Variants in CWF19L2 observed in about 807,000 individuals in gnomAD.
The protein encoded by CWF19L2 is CWF19-like protein 2.
In CWF19L2, 98 loss-of-function variants were observed where a neutral mutation model predicts 111.7. That is an observed-to-expected ratio of 0.88 (90% CI 0.75 to 1.04). CWF19L2 has a LOEUF of 1.04. Ranked by LOEUF, CWF19L2 falls within the 50% of genes least tolerant of loss-of-function variation. CWF19L2 has a pLI of 0.00. For synonymous variants in CWF19L2, 351 were observed against 342.9 expected (o/e 1.02, Z -0.26); for missense variants, 1,101 against 1,051.4 (o/e 1.05, Z -0.65).
intron 10 of CWF19L2, among the ~76,000 whole-genome samples, chr11:107,403,035 A>T (rs1273225413): frequency 1.3e-5 from 2 of 151,476 alleles, no homozygotes; most frequent in Admixed American, 1.3e-4. Context: ...TTTCACTGAT[A>T]TGTAGGAGCT....
chr11:107,454,742 C>T (rs1861829696), intron 2 of CWF19L2, among the ~76,000 whole-genome samples, 170 bp from the exon 3 acceptor site: 1 of 152,140 alleles, frequency 6.6e-6, no homozygotes, highest in Admixed American at 6.5e-5. Context: ...TCTTAACACA[C>T]CTTCTATAAT....
In CWF19L2 at chr11:107,349,033, G is replaced by C. The variant is rs770022378; in HGVS notation, c.2106C>G (p.Asn702Lys). ...AGTGCCCCTCAGTAAGAGACCGTAC[G>C]TTGGGTAAACATAAATAAACCTATA... is the stretch of plus-strand genomic sequence containing the variant. ...IGVKVYLCLP[N>K]VRSLTEGHCL... is the part of the protein sequence containing the mutation. The change falls in exon 14 of 18, where the codon AAC becomes AAG. Residue 702 changes from asparagine to lysine, a missense_variant. Coordinates refer to ENST00000282251, the MANE Select transcript of CWF19L2 (RefSeq NM_152434.3). 1 of 1,602,132 alleles carries C rather than the reference G, an allele frequency of 6.2e-7. No individual in the cohort carries two copies. The highest frequency in any genetic ancestry group is 2.2e-5 in the East Asian group (1 of 44,662).
intron 13 of CWF19L2, among the ~76,000 whole-genome samples, chr11:107,350,684 CAATGTA>C (rs1320713683): frequency 6.6e-6 from 1 of 151,844 alleles, no homozygotes; most frequent in Non-Finnish European, 1.5e-5. Flanking sequence ...TACAAATAAA[CAATGTA>C]AATGTAAAGT....
chr11:107,414,868 T>C (rs1179332602), intron 10 of CWF19L2, among the ~76,000 whole-genome samples: 3 of 152,166 alleles, frequency 2.0e-5, no homozygotes, highest in Non-Finnish European at 4.4e-5. Flanking sequence ...ACCATCTCCA[T>C]AGCTACTATC....
intron 12 of CWF19L2, among the ~76,000 whole-genome samples, chr11:107,357,807 A>C (rs686806): frequency 2.0e-5 from 3 of 152,100 alleles, no homozygotes; most frequent in African/African-American, 7.2e-5. Context: ...CCGTATTCTC[A>C]TTATTTGAGA....
At chr11:107,410,533 A>G (rs78071744) in intron 10 of CWF19L2, among the ~76,000 whole-genome samples, 1,957 of 152,310 alleles carry the variant, frequency 0.013, 35 homozygotes, top group African/African-American at 0.044. Flanking sequence ...AAAGGGCTAT[A>G]CAGTTCCCAA....
rs753602133 is a variant in CWF19L2, at chr11:107,334,878, T to A, written c.2439+3A>T. 6.4e-7 allele frequency: 1 copy of A among 1,562,544 alleles called. No homozygotes were observed. Among genetic ancestry groups the A allele is most frequent in the South Asian group, 1.1e-5 (1 of 89,118 alleles). ...TTCTTTTACCAGGAAAAAACATACT[T>A]ACAGACTTTCTGATATCTTTTGAAG... On this transcript the variant is annotated splice_donor_region_variant and intron_variant, in intron 16 of 17. Transcript: ENST00000282251.
Position 107,439,100 on chromosome 11 carries a change from C to T in CWF19L2, c.654G>A (p.Ser218=), listed in dbSNP as rs201136952. 8.3e-6 allele frequency: 11 copies of T among 1,321,250 alleles called. No individual in the cohort carries two copies. The Admixed American group carries it at 9.1e-5, about 11-fold the overall frequency. The allele number at this position is 1,321,250 out of a possible 1,614,324, so 81.8% of individuals were successfully genotyped here. ...GLPPEDCSVS[S]ITKVSVVEDG... ...AAAATGTAGAAATACCTTTAGTAAT[C>T]GATGACACACTACAGTCTTCAGGTG... Residue 218 remains serine, a synonymous_variant, in exon 6 of 18, where the codon TCG becomes TCA. Transcript: ENST00000282251.
rs1027311392 is a variant in CWF19L2 at position 107,371,380 on chromosome 11, C to T, written c.1873-17644G>A. On this transcript the variant is annotated intron_variant, in intron 12 of 17. Coordinates refer to ENST00000282251, the MANE Select transcript of CWF19L2 (RefSeq NM_152434.3). The stretch of plus-strand genomic sequence containing the variant: ...AAAAATCCTAATTCCTACCTGAATT[C>T]CTTGATAGAAAAGAGATAAGGATAG... Among the ~76,000 whole-genome samples the T allele has an allele frequency of 7.3e-5, 10 of 137,434 alleles. 2 individuals are homozygous for T. Among genetic ancestry groups the T allele is most frequent in the Non-Finnish European group, 1.6e-4 (10 of 64,208 alleles). 90.2% of individuals were successfully genotyped at this position (137,434 alleles called of 152,430 possible).
In CWF19L2 at chr11:107,433,734, T is replaced by A. The variant is rs145898345; in HGVS notation, c.680A>T (p.Asp227Val). Residue 227 changes from aspartate (D) to valine (V), a missense_variant, in exon 7 of 18, where the codon GAT becomes GTT. Transcript: ENST00000282251. ...SSITKVSVVE[D>V]GGLSWLRKSY... ...TTTCCTTAGCCAGCTTAATCCACCA[T>A]CTTCTACCACTGAAACTAAATTCCA... is the stretch of plus-strand genomic sequence containing the variant. The A allele has an allele frequency of 1.4e-5, 22 of 1,568,170 alleles. No homozygotes were observed. Among genetic ancestry groups the A allele is most frequent in the African/African-American group, 4.1e-5 (3 of 73,288 alleles).
intron 3 of CWF19L2, among the ~76,000 whole-genome samples, chr11:107,448,556 T>C (rs1195795601): frequency 6.6e-6 from 1 of 152,092 alleles, no homozygotes; most frequent in Non-Finnish European, 1.5e-5. Flanking sequence ...AGTTTCATAT[T>C]TGATGGAAAC....
intron 3 of CWF19L2, among the ~76,000 whole-genome samples, chr11:107,452,525 T>C (rs1028167067): frequency 2.0e-5 from 3 of 152,150 alleles, no homozygotes; most frequent in African/African-American, 7.2e-5. Context: ...TTTTAACATA[T>C]CTATCTCCCT....
At chr11:107,361,042 G>C (rs1233199332) in intron 12 of CWF19L2, among the ~76,000 whole-genome samples, 1 of 152,152 alleles carries the variant, frequency 6.6e-6, no homozygotes, top group African/African-American at 2.4e-5. Context: ...ATGTCCAGAA[G>C]AGTTTCCCCT....
intron 13 of CWF19L2, among the ~76,000 whole-genome samples, chr11:107,350,849 G>A (rs781676903): frequency 6.6e-6 from 1 of 151,954 alleles, no homozygotes; most frequent in Non-Finnish European, 1.5e-5. Flanking sequence ...AAGGAAGGAA[G>A]GGTAGACACA....
At chr11:107,340,108 A>C (rs143615737) in intron 14 of CWF19L2, among the ~76,000 whole-genome samples, 1,975 of 152,222 alleles carry the variant, frequency 0.013, 25 homozygotes, top group South Asian at 0.039. Context: ...TTTCATCTTC[A>C]TATCAGAGTA....
intron 12 of CWF19L2, among the ~76,000 whole-genome samples, chr11:107,367,943 A>G (rs1860455808): frequency 7.3e-6 from 1 of 137,814 alleles, no homozygotes; most frequent in African/African-American, 2.9e-5. Context: ...CCAGTGAGAT[A>G]TAGCAAAAGC....
chr11:107,451,606 G>A (rs867514867), intron 3 of CWF19L2, among the ~76,000 whole-genome samples: 1 of 152,016 alleles, frequency 6.6e-6, no homozygotes, highest in South Asian at 2.1e-4. Flanking sequence ...TGAAAGAGGG[G>A]TATCACTATG....
At chr11:107,399,308 A>C (rs1860967505) in intron 10 of CWF19L2, among the ~76,000 whole-genome samples, 1 of 152,172 alleles carries the variant, frequency 6.6e-6, no homozygotes. Flanking sequence ...CCAACCAACT[A>C]TGTGCCACCT....
chr11:107,431,792 G>A (rs1169029354), intron 7 of CWF19L2, among the ~76,000 whole-genome samples: 1 of 152,002 alleles, frequency 6.6e-6, no homozygotes, highest in Non-Finnish European at 1.5e-5. Flanking sequence ...CGAGAGTAAA[G>A]GAACAGACCC....
Sources: allele counts gnomAD v4.1 joint callset (sites outside exome capture counted in the v4.1 genomes callset), GRCh38; gene constraint gnomAD v4.1.1; transcripts MANE v1.5; gene names NCBI Gene and HGNC (gene_info 2026-07-23, HGNC 2026-07-21).